The following PLCB1 variants were observed in gnomAD, a reference collection of about 807,000 sequenced individuals.
PLCB1 encodes phospholipase C beta 1, also known as 1-phosphatidylinositol 4,5-bisphosphate phosphodiesterase beta-1.
A neutral mutation model predicts 161.8 loss-of-function variants in PLCB1; 46 were observed. The observed-to-expected ratio is 0.28, with a 90% CI of 0.22 to 0.36. The LOEUF is 0.36. Ranked by LOEUF, PLCB1 falls within the 10% of genes least tolerant of loss-of-function variation. The pLI, the probability that PLCB1 is intolerant of heterozygous loss-of-function variation, is 1.00. For missense variants in PLCB1, 1,016 were observed against 1,472.5 expected, an observed-to-expected ratio of 0.69 and a Z score of 5.07; for synonymous variants, 517 against 503.7, an observed-to-expected ratio of 1.03 and a Z score of -0.35.
intron 3 of PLCB1, among the ~76,000 whole-genome samples, chr20:8,615,323 A>G (rs1988014211): frequency 6.6e-6 from 1 of 152,214 alleles, no homozygotes; most frequent in Non-Finnish European, 1.5e-5. Context: ...ACAGTGATTT[A>G]TAGTTCTTTT....
chr20:8,753,005 C>T (rs1981561778), intron 23 of PLCB1, among the ~76,000 whole-genome samples: 2 of 143,198 alleles, frequency 1.4e-5, no homozygotes, highest in Admixed American at 7.0e-5. Context: ...TGAGCTCTGC[C>T]TCCTGTTAGA....
chr20:8,797,511 T>G (rs1457969561), intron 31 of PLCB1, among the ~76,000 whole-genome samples: 1 of 152,254 alleles, frequency 6.6e-6, no homozygotes, highest in Non-Finnish European at 1.5e-5. Context: ...TCTTTACTGC[T>G]CTGTGGGCAA....
Position 8,136,521 on chromosome 20 carries a change from G to A in PLCB1, c.99+3771G>A, listed in dbSNP as rs548703287. ...GGCGCCTGTAGTCCCAGCTGCTCGG[G>A]AGGCTGAGGCAGGAGAATGGCGTGA... is the stretch of plus-strand genomic sequence containing the variant. On this transcript the variant is annotated intron_variant, in intron 1 of 31. Transcript: ENST00000338037. Among the ~76,000 whole-genome samples the A allele has an allele frequency of 9.9e-5, 15 of 152,016 alleles. 1 individual carries two copies. The South Asian group carries it at 1.9e-3, about 19-fold the overall frequency.
chr20:8,536,309 C>T (rs768288340), intron 3 of PLCB1, among the ~76,000 whole-genome samples: 1 of 152,110 alleles, frequency 6.6e-6, no homozygotes, highest in African/African-American at 2.4e-5. Flanking sequence ...CCATGTTAGG[C>T]GCCGGATGAG....
intron 2 of PLCB1, among the ~76,000 whole-genome samples, chr20:8,304,459 T>G (rs1984039232): frequency 6.6e-6 from 1 of 151,796 alleles, no homozygotes; most frequent in Non-Finnish European, 1.5e-5. Flanking sequence ...ACGAATCCCC[T>G]GTTGCTTAAA....
At chr20:8,293,066 A>T (rs531078257) in intron 2 of PLCB1, among the ~76,000 whole-genome samples, 17 of 152,236 alleles carry the variant, frequency 1.1e-4, no homozygotes, top group African/African-American at 4.1e-4. Flanking sequence ...ATTTGATGTC[A>T]TATGTGGTCA....
At chr20:8,519,587 C>T (rs1984272027) in intron 3 of PLCB1, among the ~76,000 whole-genome samples, 1 of 152,086 alleles carries the variant, frequency 6.6e-6, no homozygotes, top group Non-Finnish European at 1.5e-5. Context: ...TGTATAACTG[C>T]TTCCATTTTG....
In PLCB1 at chr20:8,253,411, C is replaced by T. The variant is rs189270963; in HGVS notation, c.177+103040C>T. ...CTGGACTCTCTTCTGATCCATTGAC[C>T]TACCCATATACCAATACGAGACTGA... On this transcript the variant is annotated intron_variant, in intron 2 of 31. Coordinates refer to ENST00000338037, the MANE Select transcript of PLCB1 (RefSeq NM_015192.4). Among the ~76,000 whole-genome samples the T allele has an allele frequency of 5.9e-5, 9 of 152,004 alleles. No individual in the cohort carries two copies. In the East Asian group the frequency reaches 1.2e-3, roughly 20 times the overall value.
intron 1 of PLCB1, among the ~76,000 whole-genome samples, chr20:8,139,910 C>T (rs953823401): frequency 1.3e-5 from 2 of 152,104 alleles, no homozygotes; most frequent in Non-Finnish European, 2.9e-5. Context: ...TTAATATTTC[C>T]ACCAAATAAA....
intron 23 of PLCB1, 104 bp downstream of exon 23, chr20:8,741,677 A>G: frequency 2.9e-6 from 2 of 683,886 alleles, no homozygotes; most frequent in Non-Finnish European, 5.3e-6. Flanking sequence ...AAGGAATAGC[A>G]CATTGGAACA....
intron 31 of PLCB1, among the ~76,000 whole-genome samples, chr20:8,826,814 C>G (rs1985729123): frequency 6.6e-6 from 1 of 152,138 alleles, no homozygotes; most frequent in African/African-American, 2.4e-5. Flanking sequence ...TAAGACTTCA[C>G]AGGTATGCTA....
chr20:8,622,021 G>C (rs1244374453), intron 3 of PLCB1, among the ~76,000 whole-genome samples: 1 of 152,100 alleles, frequency 6.6e-6, no homozygotes, highest in Non-Finnish European at 1.5e-5. Context: ...ACTTTGGGAG[G>C]CCGAGGCAGG....
intron 10 of PLCB1, among the ~76,000 whole-genome samples, chr20:8,694,493 A>G (rs1990545195): frequency 6.6e-6 from 1 of 152,176 alleles, no homozygotes; most frequent in Non-Finnish European, 1.5e-5. Context: ...ATGGTTTTCA[A>G]AACATTAACT....
At chr20:8,484,365 C>T (rs1291376972) in intron 3 of PLCB1, among the ~76,000 whole-genome samples, 2 of 141,694 alleles carry the variant, frequency 1.4e-5, no homozygotes, top group African/African-American at 5.2e-5. Flanking sequence ...TCTTCTTCTT[C>T]TTTTTTTTTT....
intron 2 of PLCB1, among the ~76,000 whole-genome samples, chr20:8,241,241 C>T (rs571244238): frequency 6.6e-6 from 1 of 152,010 alleles, no homozygotes; most frequent in Admixed American, 6.6e-5. Context: ...AAAATTAAGC[C>T]TCTACTTTCC....
In PLCB1 at chr20:8,276,983, C is replaced by CTTA. The variant is rs1327121503; in HGVS notation, c.178-94397_178-94396insATT. On this transcript the variant is annotated intron_variant, in intron 2 of 31. Transcript: ENST00000338037. The stretch of plus-strand genomic sequence containing the variant: ...TCTTCTTCTTCTTCTTCTTCTTCTT[C>CTTA]TTCTTATTATTATTATTATTATTAT... 9.4e-3 allele frequency among the ~76,000 whole-genome samples: 936 copies of CTTA among 99,054 alleles called. 10 individuals are homozygous for CTTA. Among genetic ancestry groups the CTTA allele is most frequent in the East Asian group, 0.024 (73 of 3,098 alleles). The allele number at this position is 99,054 out of a possible 152,430, so 65.0% of individuals were successfully genotyped here.
intron 2 of PLCB1, among the ~76,000 whole-genome samples, chr20:8,357,573 T>TG (rs1986399164): frequency 6.6e-6 from 1 of 151,986 alleles, no homozygotes; most frequent in South Asian, 2.1e-4. Flanking sequence ...CCCAGCACTC[T>TG]GGGGGGGCCG....
intron 3 of PLCB1, among the ~76,000 whole-genome samples, chr20:8,568,289 T>C (rs892714339): frequency 6.6e-6 from 1 of 152,194 alleles, no homozygotes; most frequent in Admixed American, 6.6e-5. Flanking sequence ...CAAAGTTCTA[T>C]TTGAACAGAG....
At chr20:8,415,350 A>G (rs773905491) in intron 3 of PLCB1, among the ~76,000 whole-genome samples, 19 of 152,224 alleles carry the variant, frequency 1.2e-4, no homozygotes, top group Non-Finnish European at 1.9e-4. Context: ...AATTATCATT[A>G]AAAAGTTTAA....
Sources: allele counts gnomAD v4.1 joint callset (sites outside exome capture counted in the v4.1 genomes callset), GRCh38; gene constraint gnomAD v4.1.1; transcripts MANE v1.5; gene names NCBI Gene and HGNC (gene_info 2026-07-23, HGNC 2026-07-21).